Variants in SLC6A20 observed in about 807,000 individuals in gnomAD.
SLC6A20 encodes sodium- and chloride-dependent transporter XTRP3.
A neutral mutation model predicts 64.3 loss-of-function variants in SLC6A20; 73 were observed. The ratio of observed to expected loss-of-function variants is 1.14; its 90% confidence interval spans 0.94 to 1.38. The LOEUF (loss-of-function observed/expected upper bound fraction) is 1.38, where lower values mean the gene tolerates loss of function less well. Ranked by LOEUF, SLC6A20 falls within the 40% of genes most tolerant of loss-of-function variation. The pLI is 0.00. For synonymous variants in SLC6A20, 347 were observed against 329.6 expected, an observed-to-expected ratio of 1.05 and a Z score of -0.57; for missense variants, 725 against 772.8, an observed-to-expected ratio of 0.94 and a Z score of 0.73.
intron 7 of SLC6A20, among the ~76,000 whole-genome samples, chr3:45,766,221 G>A (rs961551315): frequency 2.0e-5 from 3 of 152,098 alleles, no homozygotes; most frequent in East Asian, 1.9e-4. Context: ...ACTCTGTTGC[G>A]GAAATGTTAA....
At chr3:45,771,485 A>C in intron 5 of SLC6A20, 27 bp from the exon 6 acceptor site, 1 of 1,612,914 alleles carries the variant, frequency 6.2e-7, no homozygotes, top group African/African-American at 1.3e-5. Context: ...GACAGGGCTG[A>C]TGATCCCTGG....
chr3:45,771,474 G>C lies in SLC6A20; in HGVS notation c.694-16C>G. ...GCTGCTCTATCTGGAAGGCCAGCAG[G>C]GACAGGGCTGATGATCCCTGGGTGG... On this transcript the variant is annotated splice_polypyrimidine_tract_variant and intron_variant, in intron 5 of 10. Coordinates refer to ENST00000358525, the MANE Select transcript of SLC6A20 (RefSeq NM_020208.4). 6.2e-7 allele frequency: 1 copy of C among 1,613,642 alleles called. No individual in the cohort carries two copies. Among genetic ancestry groups the C allele is most frequent in the Non-Finnish European group, 8.5e-7 (1 of 1,179,568 alleles).
Position 45,765,473 on chromosome 3 carries a change from CCT to C in SLC6A20, c.1303+62_1303+63del. The C allele has an allele frequency of 3.2e-6, 5 of 1,543,850 alleles. No homozygotes were observed. Among genetic ancestry groups the C allele is most frequent in the Non-Finnish European group, 4.4e-6 (5 of 1,140,856 alleles). ...CCCATGACCCCTGAGGGAGCTCTCC[CCT>C]GTTCACCCCCACGCCTTGGCCCTCC... On this transcript the variant is annotated intron_variant, in intron 8 of 10. Transcript: ENST00000358525. The surrounding 1 kb of genome is among the most constrained non-coding windows in gnomAD (Gnocchi z 4.2).
intron 9 of SLC6A20, among the ~76,000 whole-genome samples, chr3:45,762,274 G>A (rs1228231303): frequency 6.6e-6 from 1 of 152,198 alleles, no homozygotes; most frequent in Non-Finnish European, 1.5e-5. Context: ...GACTCATCTG[G>A]GAACCTGCTA....
At position 45,762,971 on chromosome 3, in the gene SLC6A20, G is replaced by C; in HGVS notation, c.1405C>G (p.Leu469Val). The change falls in exon 9 of 11, where the codon CTG becomes GTG. Residue 469 changes from leucine (L) to valine (V), a missense_variant. Transcript: ENST00000358525. ...IFNDYAATLS[L>V]LLIVLVETIA... ...GTCTCCACCAGCACGATGAGCAGCAGGGACAGTGTGGCCGCGTAGTCGTTG... is the reference window on the plus strand; with the variant it reads ...GTCTCCACCAGCACGATGAGCAGCACGGACAGTGTGGCCGCGTAGTCGTTG... 6.2e-7 allele frequency: 1 copy of C among 1,614,140 alleles called. No individual in the cohort carries two copies. Among genetic ancestry groups the C allele is most frequent in the Admixed American group, 1.7e-5 (1 of 60,022 alleles).
intron 7 of SLC6A20, among the ~76,000 whole-genome samples, chr3:45,766,366 C>G (rs181089205): frequency 6.6e-6 from 1 of 152,242 alleles, no homozygotes; most frequent in Non-Finnish European, 1.5e-5. Context: ...TAGAAGCCCC[C>G]CCACCCGGTT....
intron 5 of SLC6A20, 98 bp downstream of exon 5, chr3:45,772,407 C>T (rs551258711): frequency 6.4e-6 from 7 of 1,091,604 alleles, no homozygotes; most frequent in Middle Eastern, 2.0e-4. Context: ...GTAGGTACAG[C>T]GTTGGCCCAC....
intron 4 of SLC6A20, among the ~76,000 whole-genome samples, chr3:45,773,951 A>G (rs1456728713): frequency 2.0e-5 from 3 of 152,264 alleles, no homozygotes; most frequent in African/African-American, 7.2e-5. Flanking sequence ...GGCACTAAGC[A>G]GGCCCTTAGG....
chr3:45,790,398 C>G (rs1700229630), intron 1 of SLC6A20: 1 of 152,050 alleles, frequency 6.6e-6, no homozygotes, highest in Non-Finnish European at 1.5e-5. Context: ...CTGGGGGTTC[C>G]ACTTTGGGAA....
rs1243708712 is a variant in SLC6A20, at chr3:45,796,286, G to A, written c.121+13C>T. ...CAGAGTTGGGCTGGGGCCGGGGCGC[G>A]GTGGGCACTCACCTCCGCCGTACAT... On this transcript the variant is annotated intron_variant, in intron 1 of 10. Coordinates refer to ENST00000358525, the MANE Select transcript of SLC6A20 (RefSeq NM_020208.4). 6.9e-6 allele frequency: 11 copies of A among 1,594,708 alleles called. No homozygotes were observed. The highest frequency in any genetic ancestry group is 6.0e-6 in the Non-Finnish European group (7 of 1,171,154).
At chr3:45,760,462 T>C (rs1426858180) in intron 9 of SLC6A20, among the ~76,000 whole-genome samples, 1 of 148,688 alleles carries the variant, frequency 6.7e-6, no homozygotes. Context: ...CCTTTCCCAG[T>C]AGAAACACCA....
At chr3:45,779,399 ACTTTTCTACAGAGTG>A (rs1482930259) in intron 3 of SLC6A20, among the ~76,000 whole-genome samples, 3 of 152,176 alleles carry the variant, frequency 2.0e-5, no homozygotes, top group African/African-American at 7.2e-5. Flanking sequence ...AGCCCCTTCC[ACTTTTCTACAGAGTG>A]TCAGCTGTAG....
At chr3:45,761,670 A>G (rs1054086834) in intron 9 of SLC6A20, among the ~76,000 whole-genome samples, 10 of 152,198 alleles carry the variant, frequency 6.6e-5, no homozygotes, top group African/African-American at 2.2e-4. Context: ...CCTTAACACT[A>G]GTGTCCTCAA....
rs770132200 is a variant in SLC6A20, at chr3:45,771,329, G to T, written c.823C>A (p.His275Asn). Residue 275 changes from histidine (H) to asparagine (N), a missense_variant, in exon 6 of 11, where the codon CAC (histidine) becomes AAC (asparagine). Transcript: ENST00000358525. ...YNEPSNNCQK[H>N]AIIVSLINSF... ...TTGATGAGGGACACGATGATGGCGT[G>T]CTTCTGGCAGTTGTTGGATGGCTCA... The T allele has an allele frequency of 1.2e-6, 2 of 1,614,268 alleles. No individual in the cohort carries two copies. The highest frequency in any genetic ancestry group is 4.5e-5 in the East Asian group (2 of 44,894).
chr3:45,779,026 A>G (rs750216910), intron 3 of SLC6A20, among the ~76,000 whole-genome samples: 9 of 152,208 alleles, frequency 5.9e-5, no homozygotes, highest in Non-Finnish European at 8.8e-5. Context: ...GCCCCCACAG[A>G]GTCAAGGCTA....
At chr3:45,792,874 T>C (rs1384440937) in intron 1 of SLC6A20, among the ~76,000 whole-genome samples, 1 of 152,206 alleles carries the variant, frequency 6.6e-6, no homozygotes, top group Non-Finnish European at 1.5e-5. Context: ...GGGACCCTAC[T>C]GCCGGGCCTG....
At chr3:45,783,679 G>A (rs1032634161) in intron 1 of SLC6A20, among the ~76,000 whole-genome samples, 1 of 152,226 alleles carries the variant, frequency 6.6e-6, no homozygotes, top group Admixed American at 6.5e-5. Flanking sequence ...CAAAGACCAG[G>A]CAGAGCCCCC....
At chr3:45,760,475 G>A (rs964364366) in intron 9 of SLC6A20, among the ~76,000 whole-genome samples, 3 of 151,796 alleles carry the variant, frequency 2.0e-5, no homozygotes, top group Admixed American at 6.6e-5. Flanking sequence ...AAACACCACG[G>A]AGCAGAATCA....
At chr3:45,789,978 T>C (rs1700223780) in intron 1 of SLC6A20, among the ~76,000 whole-genome samples, 1 of 152,228 alleles carries the variant, frequency 6.6e-6, no homozygotes, top group South Asian at 2.1e-4. Context: ...TGTTGTTGCT[T>C]ATTTTTCTAA....
Sources: gnomAD v4.1 joint callset for allele counts (sites outside exome capture counted in the v4.1 genomes callset) on GRCh38, gnomAD v4.1.1 for gene constraint, Gnocchi (gnomAD v3.1) non-coding constraint, MANE v1.5 for transcripts, NCBI Gene and HGNC (gene_info 2026-07-23, HGNC 2026-07-21) for gene names.